Variants in PEX5L observed in about 807,000 individuals in gnomAD.
The protein encoded by PEX5L is PEX5-related protein.
A neutral mutation model predicts 84.0 loss-of-function variants in PEX5L; 30 were observed. The observed-to-expected ratio is 0.36, with a 90% confidence interval of 0.27 to 0.48. The LOEUF (loss-of-function observed/expected upper bound fraction) is 0.48. Ranked by LOEUF, PEX5L falls within the 20% of genes least tolerant of loss-of-function variation. The pLI is 0.99. For missense variants in PEX5L, 533 were observed against 754.6 expected (o/e 0.71, Z 3.44); for synonymous variants, 270 against 283.1 (o/e 0.95, Z 0.46).
intron 2 of PEX5L, among the ~76,000 whole-genome samples, chr3:179,957,789 T>C (rs1780957458): frequency 6.6e-6 from 1 of 152,200 alleles, no homozygotes; most frequent in South Asian, 2.1e-4. Flanking sequence ...ACACAAGCAC[T>C]TGAAACATAT....
intron 7 of PEX5L, among the ~76,000 whole-genome samples, chr3:179,869,004 C>A (rs540309706): frequency 2.0e-5 from 3 of 152,216 alleles, no homozygotes; most frequent in South Asian, 2.1e-4. Flanking sequence ...TTAGGGGGAC[C>A]AAGGGCTTTG....
intron 8 of PEX5L, among the ~76,000 whole-genome samples, chr3:179,846,918 A>C (rs1739579988): frequency 6.6e-6 from 1 of 152,100 alleles, no homozygotes; most frequent in South Asian, 2.1e-4. Context: ...CAGTATGCAA[A>C]TGGAAGATCT....
At chr3:179,852,403 C>T (rs1742270721) in intron 8 of PEX5L, among the ~76,000 whole-genome samples, 1 of 152,212 alleles carries the variant, frequency 6.6e-6, no homozygotes, top group Non-Finnish European at 1.5e-5. Context: ...CACACCATGA[C>T]TTCCACTTTA....
At chr3:179,959,947 T>A (rs1252830465) in intron 2 of PEX5L, among the ~76,000 whole-genome samples, 1 of 152,234 alleles carries the variant, frequency 6.6e-6, no homozygotes, top group Non-Finnish European at 1.5e-5. Context: ...ATAGCAAAAT[T>A]GTTTACATAA....
intron 1 of PEX5L, chr3:179,973,609 T>C: frequency 2.0e-6 from 2 of 985,192 alleles, no homozygotes; most frequent in Non-Finnish European, 2.4e-6. Flanking sequence ...TTCCCCTTTT[T>C]AATCTCCTAT....
chr3:180,004,825 C>CA (rs1347132330), intron 1 of PEX5L, among the ~76,000 whole-genome samples: 1 of 151,438 alleles, frequency 6.6e-6, no homozygotes, highest in Non-Finnish European at 1.5e-5. Context: ...TTGCCTTCAC[C>CA]AACTGTTTAA....
chr3:179,891,400 C>A (rs919234956), intron 3 of PEX5L, among the ~76,000 whole-genome samples: 2 of 152,002 alleles, frequency 1.3e-5, no homozygotes, highest in African/African-American at 4.8e-5. Flanking sequence ...AGGGCTCAAG[C>A]GTGAAAGACC....
chr3:179,851,349 G>A (rs963443779), intron 8 of PEX5L, among the ~76,000 whole-genome samples: 2 of 152,140 alleles, frequency 1.3e-5, no homozygotes, highest in Non-Finnish European at 2.9e-5. Flanking sequence ...TTACATGTTT[G>A]TAGGACAAAC....
intron 2 of PEX5L, among the ~76,000 whole-genome samples, chr3:179,899,471 G>A (rs866016307): frequency 6.6e-6 from 1 of 152,062 alleles, no homozygotes; most frequent in Non-Finnish European, 1.5e-5. Flanking sequence ...AAGAGCCAGG[G>A]TTGATATTAA....
At chr3:179,893,822 G>A (rs1758346809) in intron 3 of PEX5L, among the ~76,000 whole-genome samples, 1 of 151,924 alleles carries the variant, frequency 6.6e-6, no homozygotes, top group African/African-American at 2.4e-5. Context: ...ATAATACTAT[G>A]GCATGTCTTT....
At chr3:179,825,362 A>C (rs911047255) in intron 8 of PEX5L, among the ~76,000 whole-genome samples, 1 of 152,208 alleles carries the variant, frequency 6.6e-6, no homozygotes, top group Non-Finnish European at 1.5e-5. Flanking sequence ...GGATGGAATG[A>C]CCAATGTGAG....
At chr3:180,017,090 G>A (rs2110491371) in intron 1 of PEX5L, among the ~76,000 whole-genome samples, 1 of 152,196 alleles carries the variant, frequency 6.6e-6, no homozygotes, top group East Asian at 1.9e-4. Flanking sequence ...GTAAATTGCT[G>A]TCTCATGATA....
At chr3:180,024,422 G>A (rs1405652897) in intron 1 of PEX5L, among the ~76,000 whole-genome samples, 2 of 143,290 alleles carry the variant, frequency 1.4e-5, no homozygotes, top group African/African-American at 5.2e-5. Context: ...GCAGGCGCCT[G>A]TAGTCCCAGA....
intron 2 of PEX5L, among the ~76,000 whole-genome samples, chr3:179,946,413 C>A (rs1388502902): frequency 6.6e-6 from 1 of 152,152 alleles, no homozygotes; most frequent in Non-Finnish European, 1.5e-5. Flanking sequence ...CACTAGACAC[C>A]ATCCCTTATC....
chr3:179,957,612 A>G (rs998083709), intron 2 of PEX5L, among the ~76,000 whole-genome samples: 12 of 152,186 alleles, frequency 7.9e-5, no homozygotes, highest in Non-Finnish European at 1.8e-4. Context: ...GTGGAGTGAC[A>G]TTTTCAGAGC....
intron 2 of PEX5L, among the ~76,000 whole-genome samples, chr3:179,960,627 T>C (rs1412418709): frequency 6.6e-6 from 1 of 152,208 alleles, no homozygotes; most frequent in African/African-American, 2.4e-5. Flanking sequence ...AAATGGCTCA[T>C]TCATCTAGAC....
rs1306838217 is a variant in PEX5L, at chr3:179,861,740, G to C, written c.727-2583C>G. On this transcript the variant is annotated intron_variant, in intron 7 of 14. Transcript: ENST00000467460. The stretch of plus-strand genomic sequence containing the variant: ...TATCATCCTGGCAAGTAGGGTCTTA[G>C]AGCCAGATTTAATATCAGTAAATAA... Among the ~76,000 whole-genome samples, 6 of 152,222 alleles carry C rather than the reference G, an allele frequency of 3.9e-5. No homozygotes were observed. In the East Asian group the frequency reaches 1.2e-3, roughly 29 times the overall value.
chr3:179,819,764 T>C (rs1015421534), intron 9 of PEX5L, 96 bp downstream of exon 9: 1 of 1,015,734 alleles, frequency 9.8e-7, no homozygotes, highest in Non-Finnish European at 1.5e-6. Flanking sequence ...TTTTAATTAC[T>C]GTGTTTTTGA....
intron 1 of PEX5L, among the ~76,000 whole-genome samples, chr3:180,025,589 A>T (rs1417510594): frequency 1.3e-5 from 2 of 152,168 alleles, no homozygotes. Context: ...GCAGAGCAGC[A>T]CTCACTGAGG....
Sources: gnomAD v4.1 joint callset for allele counts (sites outside exome capture counted in the v4.1 genomes callset) on GRCh38, gnomAD v4.1.1 for gene constraint, MANE v1.5 for transcripts, NCBI Gene and HGNC (gene_info 2026-07-23, HGNC 2026-07-21) for gene names.